The following NOTCH1 variants were observed in gnomAD, a reference collection of about 807,000 sequenced individuals.
NOTCH1 encodes the protein notch receptor 1.
A neutral mutation model predicts 254.8 loss-of-function variants in NOTCH1; 37 were observed. The observed-to-expected ratio is 0.15, with a 90% CI of 0.11 to 0.19. NOTCH1 has a LOEUF of 0.19. Ranked by LOEUF, NOTCH1 falls within the 10% of genes least tolerant of loss-of-function variation. The pLI, the probability that NOTCH1 is intolerant of heterozygous loss-of-function variation, is 1.00. For missense variants in NOTCH1, 2,972 were observed against 3,708.6 expected, an observed-to-expected ratio of 0.80 and a Z score of 5.16; for synonymous variants, 1,731 against 1,618.1, an observed-to-expected ratio of 1.07 and a Z score of -1.68.
At position 136,505,669 on chromosome 9, in the gene NOTCH1, G is replaced by C. The variant is rs2133340269; in HGVS notation, c.4227C>G (p.Ser1409Arg). 1 of 1,611,292 alleles carries C rather than the reference G, an allele frequency of 6.2e-7. No individual in the cohort carries two copies. The highest frequency in any genetic ancestry group is 8.5e-7 in the Non-Finnish European group (1 of 1,178,970). Residue 1409 changes from serine to arginine, a missense_variant, in exon 25 of 34, where the codon AGC becomes AGG. Ser to Arg is a moderately radical substitution (Grantham distance 110, BLOSUM62 -1). Around this residue, in one of 8 missense-constraint regions of NOTCH1, gnomAD observed 1,343 missense variants for 1,557.0 expected, o/e 0.86. Transcript: ENST00000651671. Reference sequence around the variant, plus strand: ...CGGGGCACAGGCAACGGTAGAAGGGGCTCTCGGATGTGGGCTCACAGGTCC... The same window carrying C: ...CGGGGCACAGGCAACGGTAGAAGGGCCTCTCGGATGTGGGCTCACAGGTCC... Reference protein sequence around the residue: ...NQGTCEPTSESPFYRCLCPAK... With the variant: ...NQGTCEPTSERPFYRCLCPAK...
chr9:136,499,944 T>C (rs1205292557), intron 31 of NOTCH1, among the ~76,000 whole-genome samples: 1 of 152,180 alleles, frequency 6.6e-6, no homozygotes, highest in East Asian at 1.9e-4. Context: ...AGAAGCTCTG[T>C]GGTAACTCCC....
At position 136,502,644 on chromosome 9, in the gene NOTCH1, G is replaced by A. The variant is rs1462713374; in HGVS notation, c.5168-156C>T. The A allele has an allele frequency of 3.6e-5, 21 of 576,768 alleles. No homozygotes were observed. In the Admixed American group the frequency reaches 5.1e-4, roughly 14 times the overall value. 35.7% of individuals were successfully genotyped at this position (576,768 alleles called of 1,614,324 possible). A position where few individuals can be genotyped will look rare whatever the true frequency, so the allele number is the denominator to read the frequency against. On this transcript the variant is annotated intron_variant, in intron 27 of 33. Transcript: ENST00000651671. Reference sequence around the variant, plus strand: ...TCCAAAATAAGGTCATTTTCTACGCGATTAATCAGAATTGCAAACTATCGC... The same window carrying A: ...TCCAAAATAAGGTCATTTTCTACGCAATTAATCAGAATTGCAAACTATCGC...
At position 136,497,472 on chromosome 9, in the gene NOTCH1, G is replaced by C. The variant is rs1271409535; in HGVS notation, c.6267C>G (p.Ile2089Met). Reference protein sequence around the residue: ...VLLDHFANRDITDHMDRLPRD... With the variant: ...VLLDHFANRDMTDHMDRLPRD... ...GCGGCAGGCGGTCCATATGATCCGTGATGTCCCGGTTGGCAAAGTGGTCCA... is the reference window on the plus strand; with the variant it reads ...GCGGCAGGCGGTCCATATGATCCGTCATGTCCCGGTTGGCAAAGTGGTCCA... The change falls in exon 34 of 34, where the codon ATC becomes ATG. Residue 2089 changes from isoleucine (I) to methionine (M), a missense_variant. Coordinates refer to ENST00000651671, the MANE Select transcript of NOTCH1 (RefSeq NM_017617.5). The C allele has an allele frequency of 1.2e-6, 2 of 1,612,410 alleles. No homozygotes were observed. Among genetic ancestry groups the C allele is most frequent in the East Asian group, 4.5e-5 (2 of 44,866 alleles).
chr9:136,522,046 C>T (rs1398895801), intron 4 of NOTCH1, among the ~76,000 whole-genome samples: 3 of 149,838 alleles, frequency 2.0e-5, no homozygotes, highest in African/African-American at 4.9e-5. Context: ...GGCGGGATCT[C>T]GGCTCACTGC....
At position 136,540,477 on chromosome 9, in the gene NOTCH1, T is replaced by G. The variant is rs1311553371; in HGVS notation, c.140+3547A>C. Reference sequence around the variant, plus strand: ...TCTCTGAATTCACTCGTCAATCAATTAAACATTCAGGAAGGAGGCTCTGGA... The same window carrying G: ...TCTCTGAATTCACTCGTCAATCAATGAAACATTCAGGAAGGAGGCTCTGGA... On this transcript the variant is annotated intron_variant, in intron 2 of 33. Transcript: ENST00000651671. This position sits in a 1 kb window ranked among gnomAD's most constrained non-coding sequence, Gnocchi z 4.4. 6.6e-6 allele frequency among the ~76,000 whole-genome samples: 1 copy of G among 151,970 alleles called. No individual in the cohort carries two copies. Among genetic ancestry groups the G allele is most frequent in the African/African-American group, 2.4e-5 (1 of 41,378 alleles).
At chr9:136,502,857 TCTC>T (rs1419108680) in intron 27 of NOTCH1, 25 of 585,874 alleles carry the variant, frequency 4.3e-5, no homozygotes, top group Admixed American at 2.6e-5. Context: ...CTTCTCTCTC[TCTC>T]TTTTTTTTTC....
At chr9:136,507,206 G>T in intron 22 of NOTCH1, 99 bp downstream of exon 22, 2 of 1,590,134 alleles carry the variant, frequency 1.3e-6, no homozygotes, top group Non-Finnish European at 1.7e-6. Context: ...GGAGTTTCTG[G>T]CTGGTTCCTG....
Position 136,495,385 on chromosome 9 carries a change from A to G in NOTCH1, c.*686T>C, listed in dbSNP as rs764881854. On this transcript the variant is annotated 3_prime_UTR_variant, in exon 34 of 34. Coordinates refer to ENST00000651671, the MANE Select transcript of NOTCH1 (RefSeq NM_017617.5). ...GGTACCATGGGTGCACTCTTGGCAT[A>G]CACACTCCGAGAACACATTTTCACA... The G allele has an allele frequency of 5.0e-6, 2 of 398,978 alleles. No individual in the cohort carries two copies. Among genetic ancestry groups the G allele is most frequent in the Non-Finnish European group, 8.8e-6 (2 of 226,174 alleles). 24.7% of individuals were successfully genotyped at this position (398,978 alleles called of 1,614,324 possible).
chr9:136,498,773 C>A, intron 33 of NOTCH1, 126 bp downstream of exon 33: 1 of 1,094,598 alleles, frequency 9.1e-7, no homozygotes, highest in South Asian at 1.3e-5. Flanking sequence ...GGCCCACATG[C>A]GGGCCCAGCG....
intron 9 of NOTCH1, 55 bp from the exon 10 acceptor site, chr9:136,516,149 C>T (rs1290211273): frequency 3.2e-5 from 43 of 1,358,740 alleles, no homozygotes; most frequent in Non-Finnish European, 3.8e-5. Context: ...TATGGCCCTT[C>T]AGGGACCCCT....
chr9:136,538,283 T>C (rs939091608), intron 2 of NOTCH1, among the ~76,000 whole-genome samples: 1 of 146,048 alleles, frequency 6.8e-6, no homozygotes, highest in African/African-American at 2.5e-5. Flanking sequence ...CTGCAGCCAC[T>C]GCCCCTTCCC....
Position 136,545,222 on chromosome 9 carries a change from C to G in NOTCH1, c.61+504G>C, listed in dbSNP as rs1175949910. On this transcript the variant is annotated intron_variant, in intron 1 of 33. Transcript: ENST00000651671. This position sits in a 1 kb window ranked among gnomAD's most constrained non-coding sequence, Gnocchi z 6.8. ...GGCGACCGGGAGCCCGGGGACCCAG[C>G]CCGGCCGCGCGGGTCAGTGAAGGCG... Among the ~76,000 whole-genome samples, 2 of 152,114 alleles carry G rather than the reference C, an allele frequency of 1.3e-5. No individual in the cohort carries two copies. The highest frequency in any genetic ancestry group is 2.9e-5 in the Non-Finnish European group (2 of 67,986).
chr9:136,502,471 G>A lies in NOTCH1; in HGVS notation c.5185C>T (p.Pro1729Ser), dbSNP rs2133331798. The change falls in exon 28 of 34, where the codon CCC becomes TCC. Residue 1729 changes from proline to serine, a missense_variant. Transcript: ENST00000651671. ...ATGAAGTGCAGCTGCGCCGGCGGGG[G>A]CGGCTCCACGGTCTCACCTGCGGGC... ...EAVQSETVEP[P>S]PPAQLHFMYV... 5 of 1,577,052 alleles carry A rather than the reference G, an allele frequency of 3.2e-6. No individual in the cohort carries two copies. The highest frequency in any genetic ancestry group is 4.3e-6 in the Non-Finnish European group (5 of 1,163,906).
At chr9:136,521,379 G>A (rs960887920) in intron 4 of NOTCH1, among the ~76,000 whole-genome samples, 2 of 151,824 alleles carry the variant, frequency 1.3e-5, no homozygotes, top group Admixed American at 6.6e-5. Flanking sequence ...AGGGCCCTGA[G>A]CTGCCCCTGC....
rs187170482 is a variant in NOTCH1, at chr9:136,537,430, C to T, written c.140+6594G>A. Among the ~76,000 whole-genome samples, 118 of 152,252 alleles carry T rather than the reference C, an allele frequency of 7.8e-4. 1 individual carries two copies. The highest frequency in any genetic ancestry group is 1.9e-3 in the Admixed American group (29 of 15,294). ...AAGAGGCGAATTCAGAGGCAGAAAG[C>T]GGGTTAGTGGTTGCCAGGGGCTGGG... is the stretch of plus-strand genomic sequence containing the variant. On this transcript the variant is annotated intron_variant, in intron 2 of 33. Transcript: ENST00000651671.
At position 136,502,062 on chromosome 9, in the gene NOTCH1, G is replaced by T. The variant is rs2133330039; in HGVS notation, c.5411C>A (p.Ala1804Asp). The T allele has an allele frequency of 6.2e-7, 1 of 1,613,270 alleles. No homozygotes were observed. The highest frequency in any genetic ancestry group is 8.5e-7 in the Non-Finnish European group (1 of 1,179,968). The change falls in exon 29 of 34, where the codon GCC becomes GAC. Residue 1804 changes from alanine (A) to aspartate (D), a missense_variant. Ala to Asp is a moderately radical substitution (Grantham distance 126, BLOSUM62 -2). Coordinates refer to ENST00000651671, the MANE Select transcript of NOTCH1 (RefSeq NM_017617.5). ...CTCATTCTGGTTGTCGTCCATGAGG[G>T]CACCGTCTGAAGCGTTCTTCAGGGG... ...LKPLKNASDG[A>D]LMDDNQNEWG... is the part of the protein sequence containing the mutation.
In NOTCH1 at chr9:136,505,084, C is replaced by T. The variant is rs2133337806; in HGVS notation, c.4607G>A (p.Cys1536Tyr). 1 of 1,610,284 alleles carries T rather than the reference C, an allele frequency of 6.2e-7. No homozygotes were observed. Residue 1536 changes from cysteine (C) to tyrosine (Y), a missense_variant, in exon 26 of 34, where the codon TGC (cysteine) becomes TAC (tyrosine). Transcript: ENST00000651671. ...GTGCCCGTCGCTGAAGTGGTCCTTG[C>T]AGTACTGGTCGTACAGGGGGCTGTG... is the stretch of plus-strand genomic sequence containing the variant. Reference protein sequence around the residue: ...GQCNPLYDQYCKDHFSDGHCD... With the variant: ...GQCNPLYDQYYKDHFSDGHCD...
chr9:136,541,149 GACCA>G (rs1843727204), intron 2 of NOTCH1, among the ~76,000 whole-genome samples: 1 of 152,140 alleles, frequency 6.6e-6, no homozygotes, highest in African/African-American at 2.4e-5. Context: ...GCTGCCCAGA[GACCA>G]ACCATCCTCC....
intron 4 of NOTCH1, among the ~76,000 whole-genome samples, chr9:136,521,683 G>A (rs1301072861): frequency 1.3e-5 from 2 of 152,224 alleles, no homozygotes; most frequent in African/African-American, 4.8e-5. Context: ...GCTGGCCAGG[G>A]AGTGTCTGTC....
Sources: gnomAD v4.1 joint callset for allele counts (sites outside exome capture counted in the v4.1 genomes callset) on GRCh38, gnomAD v4.1.1 for gene constraint, gnomAD v4.1.1 regional missense constraint, Gnocchi (gnomAD v3.1) non-coding constraint, MANE v1.5 for transcripts, NCBI Gene and HGNC (gene_info 2026-07-23, HGNC 2026-07-21) for gene names.